Variants in FAM120B observed in about 807,000 individuals in gnomAD.
FAM120B encodes the protein constitutive coactivator of peroxisome proliferator-activated receptor gamma.
A neutral mutation model predicts 96.3 loss-of-function variants in FAM120B; 83 were observed. That is an observed-to-expected ratio of 0.86 (90% CI 0.72 to 1.03). The LOEUF (loss-of-function observed/expected upper bound fraction) is 1.03. Ranked by LOEUF, FAM120B falls within the 50% of genes least tolerant of loss-of-function variation. The pLI, the probability that FAM120B is intolerant of heterozygous loss-of-function variation, is 0.00. For missense variants in FAM120B, 1,027 were observed against 1,121.2 expected, an observed-to-expected ratio of 0.92 and a Z score of 1.20; for synonymous variants, 407 against 402.7, an observed-to-expected ratio of 1.01 and a Z score of -0.13.
intron 3 of FAM120B, among the ~76,000 whole-genome samples, chr6:170,324,749 T>G (rs1239381201): frequency 6.6e-6 from 1 of 152,336 alleles, no homozygotes; most frequent in East Asian, 1.9e-4. Context: ...TCTTTCTCCC[T>G]CAACTTTTTG....
intron 6 of FAM120B, among the ~76,000 whole-genome samples, chr6:170,376,988 C>T (rs920683271): frequency 1.4e-5 from 2 of 147,160 alleles, no homozygotes; most frequent in African/African-American, 5.1e-5. Context: ...ACACGCGTCC[C>T]TAAACCCAGA....
intron 4 of FAM120B, among the ~76,000 whole-genome samples, chr6:170,342,947 TACACACCAGATA>T (rs1358497033): frequency 6.6e-6 from 1 of 152,226 alleles, no homozygotes; most frequent in African/African-American, 2.4e-5. Flanking sequence ...GGAGTCCTCT[TACACACCAGATA>T]AAGTTTGAGT....
intron 4 of FAM120B, among the ~76,000 whole-genome samples, chr6:170,345,892 G>T (rs1204617035): frequency 6.6e-6 from 1 of 152,196 alleles, no homozygotes; most frequent in Non-Finnish European, 1.5e-5. Context: ...GAAATGCGCA[G>T]CTAGGTGATT....
chr6:170,345,806 A>G (rs4710716), intron 4 of FAM120B, among the ~76,000 whole-genome samples: 140,037 of 152,326 alleles, frequency 0.92, 64,431 homozygotes, highest in African/African-American at 0.95. Context: ...GTTCCTAGTT[A>G]TGTATTCAGG....
chr6:170,377,430 T>C (rs13199244), intron 6 of FAM120B, among the ~76,000 whole-genome samples: 329 of 18,350 alleles, frequency 0.018, 8 homozygotes, highest in East Asian at 0.085. Context: ...CCCAGACGCC[T>C]GGGAGAACAC....
chr6:170,388,347 A>G lies in FAM120B; in HGVS notation c.2344A>G (p.Thr782Ala), dbSNP rs1371623927. The G allele has an allele frequency of 3.1e-6, 5 of 1,613,796 alleles. No individual in the cohort carries two copies. Among genetic ancestry groups the G allele is most frequent in the Non-Finnish European group, 4.2e-6 (5 of 1,179,960 alleles). Residue 782 changes from threonine (T) to alanine (A), a missense_variant, in exon 7 of 11, where the codon ACT becomes GCT. Transcript: ENST00000476287. ...LGSLLVRGLT[T>A]LVLVNSACGF... The stretch of plus-strand genomic sequence containing the variant: ...CTCCCTTCTCGTCCGCGGCCTCACC[A>G]CTCTGGTTTTAGTCAACAGCGCATG...
chr6:170,296,975 C>T (rs893174474), intron 1 of FAM120B, among the ~76,000 whole-genome samples: 17 of 152,232 alleles, frequency 1.1e-4, no homozygotes, highest in African/African-American at 4.1e-4. Flanking sequence ...GGTCGCGGCA[C>T]CTGTCGCTCC....
intron 6 of FAM120B, among the ~76,000 whole-genome samples, chr6:170,367,978 T>A (rs1788906627): frequency 6.6e-6 from 1 of 152,202 alleles, no homozygotes; most frequent in African/African-American, 2.4e-5. Context: ...TTAGGGGGCC[T>A]TACAAGCATC....
intron 8 of FAM120B, among the ~76,000 whole-genome samples, chr6:170,393,050 A>T (rs756738711): frequency 6.7e-6 from 1 of 150,202 alleles, no homozygotes; most frequent in East Asian, 1.9e-4. Context: ...CTGGGCACAC[A>T]CCTGTAATCT....
chr6:170,341,414 G>GTCCTTAGC lies in FAM120B; in HGVS notation c.2018-6735_2018-6728dup, dbSNP rs548706166. On this transcript the variant is annotated intron_variant, in intron 4 of 10. Transcript: ENST00000476287. ...TGGCAGTGAGAATTTCAAGCCAGTG[G>GTCCTTAGC]TCCTTAGCTTGCTGGGCTCCATGAG... is the stretch of plus-strand genomic sequence containing the variant. 1.4e-3 allele frequency among the ~76,000 whole-genome samples: 207 copies of GTCCTTAGC among 152,306 alleles called. 1 individual carries two copies. The highest frequency in any genetic ancestry group is 4.7e-3 in the African/African-American group (195 of 41,570).
intron 1 of FAM120B, among the ~76,000 whole-genome samples, chr6:170,299,153 A>ATAGC (rs1784089017): frequency 6.6e-6 from 1 of 152,204 alleles, no homozygotes; most frequent in African/African-American, 2.4e-5. Context: ...TAGTGAGGCT[A>ATAGC]TTAGCACCTG....
At chr6:170,382,186 T>C (rs1419123898) in intron 6 of FAM120B, among the ~76,000 whole-genome samples, 3 of 152,108 alleles carry the variant, frequency 2.0e-5, no homozygotes, top group African/African-American at 4.8e-5. Flanking sequence ...TTTGGGAGGC[T>C]GAATTAAGAG....
At chr6:170,333,264 T>C (rs1356761166) in intron 4 of FAM120B, among the ~76,000 whole-genome samples, 1 of 151,166 alleles carries the variant, frequency 6.6e-6, no homozygotes, top group Non-Finnish European at 1.5e-5. Context: ...TAGATGGGAT[T>C]CCTGCCCTTA....
chr6:170,350,824 C>G (rs1186381351), intron 5 of FAM120B, among the ~76,000 whole-genome samples: 2 of 152,186 alleles, frequency 1.3e-5, no homozygotes, highest in African/African-American at 4.8e-5. Flanking sequence ...GATAAGCCTA[C>G]AAACATGAGA....
rs751035379 is a variant in FAM120B at position 170,358,260 on chromosome 6, T to G, written c.2225T>G (p.Phe742Cys). The change falls in exon 6 of 11, where the codon TTT becomes TGT. Residue 742 changes from phenylalanine to cysteine, a missense_variant. Phe to Cys is a radical substitution (Grantham distance 205). Coordinates refer to ENST00000476287, the MANE Select transcript of FAM120B (RefSeq NM_032448.3). ...CTTTGCCTGGAGGATTTGCATGCGT[T>G]TATTGCGCAGGCCTTGTGCCTCCAA... is the stretch of plus-strand genomic sequence containing the variant. Reference protein sequence around the residue: ...DTLCLEDLHAFIAQALCLQGK... With the variant: ...DTLCLEDLHACIAQALCLQGK... 16 of 1,606,850 alleles carry G rather than the reference T, an allele frequency of 1.0e-5. No individual in the cohort carries two copies. Among genetic ancestry groups the G allele is most frequent in the Non-Finnish European group, 1.4e-5 (16 of 1,175,300 alleles).
chr6:170,368,873 C>T (rs146771307), intron 6 of FAM120B, among the ~76,000 whole-genome samples: 2 of 152,092 alleles, frequency 1.3e-5, no homozygotes, highest in East Asian at 3.9e-4. Flanking sequence ...ACTATGTCCT[C>T]ATAGGTTGGA....
chr6:170,395,130 A>C (rs1381579740), intron 8 of FAM120B, among the ~76,000 whole-genome samples: 1 of 152,188 alleles, frequency 6.6e-6, no homozygotes, highest in Non-Finnish European at 1.5e-5. Context: ...TCCATGCCTC[A>C]ACCAGGGCCC....
chr6:170,378,296 G>A (rs1789695781), intron 6 of FAM120B, among the ~76,000 whole-genome samples: 1 of 152,010 alleles, frequency 6.6e-6, no homozygotes, highest in Non-Finnish European at 1.5e-5. Flanking sequence ...CTTTAACCCC[G>A]AGCAGTTTCT....
chr6:170,290,917 C>G (rs1262469072), upstream of FAM120B: 2 of 695,984 alleles, frequency 2.9e-6, no homozygotes, highest in Non-Finnish European at 5.2e-6. The surrounding 1 kb of genome is among the most constrained non-coding windows in gnomAD (Gnocchi z 4.7). Flanking sequence ...CGCGGGTGCG[C>G]GCAGAGGATC....
Sources: allele counts gnomAD v4.1 joint callset (sites outside exome capture counted in the v4.1 genomes callset), GRCh38; gene constraint gnomAD v4.1.1; non-coding constraint Gnocchi (gnomAD v3.1); transcripts MANE v1.5; gene names NCBI Gene and HGNC (gene_info 2026-07-23, HGNC 2026-07-21).